DHX8: variants seen among roughly 807,000 people sequenced by gnomAD.
The protein encoded by DHX8 is ATP-dependent RNA helicase DHX8.
A neutral mutation model predicts 140.7 loss-of-function variants in DHX8; 67 were observed. The observed-to-expected ratio is 0.48, with a 90% CI of 0.39 to 0.58. The LOEUF is 0.58. Among genes scored for constraint, DHX8 ranks in the 20% least tolerant of loss-of-function variants. The probability of loss-of-function intolerance (pLI) is 0.00; values close to 1 mark genes in which losing one functional copy is unlikely to be tolerated. For missense variants in DHX8, 887 were observed against 1,550.7 expected, an observed-to-expected ratio of 0.57 and a Z score of 7.19; for synonymous variants, 533 against 553.2, an observed-to-expected ratio of 0.96 and a Z score of 0.51.
At chr17:43,503,329 CTG>C (rs1969306010) in intron 11 of DHX8, among the ~76,000 whole-genome samples, 1 of 152,072 alleles carries the variant, frequency 6.6e-6, no homozygotes, top group Admixed American at 6.6e-5. Context: ...GAAACCCCAT[CTG>C]TGCTAAAAAC....
intron 4 of DHX8, 119 bp from the exon 5 acceptor site, chr17:43,492,064 A>G (rs1344133312): frequency 4.3e-6 from 3 of 696,904 alleles, no homozygotes; most frequent in Non-Finnish European, 5.1e-6. Context: ...CAAGTTTGAA[A>G]TCTCTGCCCC....
chr17:43,496,417 T>C, intron 9 of DHX8, 149 bp downstream of exon 9: 1 of 603,812 alleles, frequency 1.7e-6, no homozygotes, highest in Non-Finnish European at 3.0e-6. Flanking sequence ...CTCACCATGA[T>C]GGAAGCAAGA....
chr17:43,536,619 A>G, intron 3 of DHX8: 1 of 674,702 alleles, frequency 1.5e-6, no homozygotes, highest in East Asian at 2.5e-5. Flanking sequence ...CATTGTAAGA[A>G]TTGTCTTGGG....
intron 9 of DHX8, among the ~76,000 whole-genome samples, chr17:43,497,060 G>C (rs1235357627): frequency 6.6e-6 from 1 of 152,104 alleles, no homozygotes; most frequent in East Asian, 1.9e-4. Context: ...GCCCCTACAT[G>C]CTCCCCTCTG....
intron 10 of DHX8, 111 bp downstream of exon 10, chr17:43,499,070 T>A: frequency 1.3e-6 from 1 of 759,644 alleles, no homozygotes; most frequent in Non-Finnish European, 2.1e-6. Context: ...CAGAAAGTAT[T>A]ACTGGCTGTT....
In DHX8 at chr17:43,492,932, A is replaced by G. The variant is rs1455221845; in HGVS notation, c.755A>G (p.Lys252Arg). 6.2e-7 allele frequency: 1 copy of G among 1,614,212 alleles called. No homozygotes were observed. Among genetic ancestry groups the G allele is most frequent in the East Asian group, 2.2e-5 (1 of 44,878 alleles). The stretch of plus-strand genomic sequence containing the variant: ...CGGAATCTGGATAGATGGCGGGATA[A>G]GCATGTGGACCGCCCTCCTCCAGAA... ...GERNLDRWRD[K>R]HVDRPPPEEP... The change falls in exon 6 of 23, where the codon AAG becomes AGG. Residue 252 changes from lysine (K) to arginine (R), a missense_variant. Around this residue, in one of 9 missense-constraint regions of DHX8, gnomAD observed 304 missense variants for 306.9 expected, o/e 0.99. Coordinates refer to ENST00000262415, the MANE Select transcript of DHX8 (RefSeq NM_004941.3).
chr17:43,525,432 T>A lies in DHX8; in HGVS notation c.*1585T>A. 1.0e-6 allele frequency: 1 copy of A among 982,110 alleles called. No individual in the cohort carries two copies. Among genetic ancestry groups the A allele is most frequent in the East Asian group, 1.1e-4 (1 of 8,786 alleles). The allele number at this position is 982,110 out of a possible 1,614,324, so 60.8% of individuals were successfully genotyped here. ...GAGGAATATAGGCCAGGCAATCTGCTGGCTGCAGATCCCTGCCCCTTCATT... is the reference window on the plus strand; with the variant it reads ...GAGGAATATAGGCCAGGCAATCTGCAGGCTGCAGATCCCTGCCCCTTCATT... On this transcript the variant is annotated 3_prime_UTR_variant, in exon 23 of 23. Transcript: ENST00000262415.
Position 43,535,078 on chromosome 17 carries a change from G to A in DHX8, c.351-1334G>A, listed in dbSNP as rs189893810. Among the ~76,000 whole-genome samples the A allele has an allele frequency of 9.2e-5, 14 of 152,314 alleles. No homozygotes were observed. In the East Asian group the frequency reaches 2.7e-3, roughly 29 times the overall value. The stretch of plus-strand genomic sequence containing the variant: ...ACTGGCCTTTCCTGTGGCCCCTGCG[G>A]GGTTCCCAAACTCTGGCCACGAGGC... On this transcript the variant is annotated intron_variant, in intron 2 of 3. Coordinates refer to the DHX8 transcript ENST00000589898.
At chr17:43,505,680 CA>C (rs1567686829) in intron 12 of DHX8, among the ~76,000 whole-genome samples, 1 of 151,992 alleles carries the variant, frequency 6.6e-6, no homozygotes, top group East Asian at 1.9e-4. Flanking sequence ...TATTGTGTTG[CA>C]TGGACCAACA....
In DHX8 at chr17:43,513,454, CAA is replaced by C; in HGVS notation, c.2596_2597del (p.Asn866PhefsTer6). 1 of 1,614,046 alleles carries C rather than the reference CAA, an allele frequency of 6.2e-7. No homozygotes were observed. The highest frequency in any genetic ancestry group is 8.5e-7 in the Non-Finnish European group (1 of 1,179,980). ...DPGFVKQKVY[N>X]SKTGIDQLVV... ...CAGGATTCGTGAAACAGAAAGTTTACAATTCCAAGACAGGGATTGACCAGCTC... is the reference window on the plus strand; with the variant it reads ...CAGGATTCGTGAAACAGAAAGTTTACTTCCAAGACAGGGATTGACCAGCTC... On this transcript the variant is annotated frameshift_variant, in exon 17 of 23. Coordinates refer to ENST00000262415, the MANE Select transcript of DHX8 (RefSeq NM_004941.3). LOFTEE classifies it high-confidence loss of function.
Position 43,524,990 on chromosome 17 carries a change from C to T in DHX8, c.*1143C>T. ...TTTTCTTCCCATAGAGATGGGTTCCCACTGTGCTGCCCAGGCTGCTCTCCA... is the reference window on the plus strand; with the variant it reads ...TTTTCTTCCCATAGAGATGGGTTCCTACTGTGCTGCCCAGGCTGCTCTCCA... On this transcript the variant is annotated 3_prime_UTR_variant, in exon 23 of 23. Coordinates refer to ENST00000262415, the MANE Select transcript of DHX8 (RefSeq NM_004941.3). The T allele has an allele frequency of 6.1e-6, 6 of 984,736 alleles. No homozygotes were observed. Among genetic ancestry groups the T allele is most frequent in the Non-Finnish European group, 7.2e-6 (6 of 829,540 alleles). 61.0% of individuals were successfully genotyped at this position (984,736 alleles called of 1,614,324 possible).
intron 20 of DHX8, among the ~76,000 whole-genome samples, chr17:43,521,118 G>A (rs1387986369): frequency 6.6e-6 from 1 of 151,682 alleles, no homozygotes; most frequent in Admixed American, 6.6e-5. Flanking sequence ...GTGCGCCACC[G>A]TGTGCTGCTA....
chr17:43,493,285 A>G (rs1379955049), intron 6 of DHX8, among the ~76,000 whole-genome samples, 160 bp from the exon 7 acceptor site: 2 of 152,122 alleles, frequency 1.3e-5, no homozygotes, highest in African/African-American at 4.8e-5. Flanking sequence ...ATGTCTCCCC[A>G]TGAGGAGAGT....
intron 17 of DHX8, among the ~76,000 whole-genome samples, chr17:43,516,372 T>C (rs1212993623): frequency 6.6e-6 from 1 of 152,238 alleles, no homozygotes; most frequent in Non-Finnish European, 1.5e-5. Flanking sequence ...TTTCGTAACT[T>C]GCATTTTGCA....
intron 2 of DHX8, chr17:43,532,950 T>C: frequency 6.4e-7 from 1 of 1,553,490 alleles, no homozygotes; most frequent in Non-Finnish European, 8.7e-7. Context: ...CTGGATGTGG[T>C]TGGATGGAGA....
At chr17:43,496,110 C>G (rs916013525) in intron 8 of DHX8, 71 bp from the exon 9 acceptor site, 1 of 1,285,766 alleles carries the variant, frequency 7.8e-7, no homozygotes. Context: ...AAAAACAAAA[C>G]AAAACCAAAA....
chr17:43,533,455 G>A, intron 2 of DHX8: 1 of 1,084,108 alleles, frequency 9.2e-7, no homozygotes, highest in African/African-American at 1.6e-5. Flanking sequence ...GGAGAAGGAA[G>A]GATAGAGGGG....
In DHX8 at chr17:43,498,846, T is replaced by C. The variant is rs762831715; in HGVS notation, c.1301-16T>C. 1 of 1,582,066 alleles carries C rather than the reference T, an allele frequency of 6.3e-7. No homozygotes were observed. The highest frequency in any genetic ancestry group is 1.1e-5 in the South Asian group (1 of 87,446). Reference sequence around the variant, plus strand: ...TTCTTGTTTATGGCTAATTCTTCTTTTGGGGGGACTTTTAGATGAGGACCT... The same window carrying C: ...TTCTTGTTTATGGCTAATTCTTCTTCTGGGGGGACTTTTAGATGAGGACCT... On this transcript the variant is annotated splice_polypyrimidine_tract_variant and intron_variant, in intron 9 of 22. Transcript: ENST00000262415.
chr17:43,498,141 T>G (rs867818994), intron 9 of DHX8, among the ~76,000 whole-genome samples: 58 of 137,974 alleles, frequency 4.2e-4, no homozygotes, highest in Middle Eastern at 7.6e-3. Context: ...TGGGAAGGTG[T>G]TTTTTTTTTT....
Sources: gnomAD v4.1 joint callset for allele counts (sites outside exome capture counted in the v4.1 genomes callset) on GRCh38, gnomAD v4.1.1 for gene constraint, gnomAD v4.1.1 regional missense constraint, MANE v1.5 for transcripts, NCBI Gene and HGNC (gene_info 2026-07-23, HGNC 2026-07-21) for gene names.